Variants in ADGRL2 observed in about 807,000 individuals in gnomAD.
ADGRL2 encodes calcium-independent alpha-latrotoxin receptor 2.
In ADGRL2, 44 loss-of-function variants were observed where a neutral mutation model predicts 157.4. That is an observed-to-expected ratio of 0.28 (90% CI 0.22 to 0.36). The LOEUF (loss-of-function observed/expected upper bound fraction) is 0.36, where lower values mean the gene tolerates loss of function less well. ADGRL2 is among the 10% of genes least tolerant of loss of function. ADGRL2 has a pLI of 1.00. For synonymous variants in ADGRL2, 585 were observed against 624.7 expected, an observed-to-expected ratio of 0.94 and a Z score of 0.95; for missense variants, 1,510 against 1,768.9, an observed-to-expected ratio of 0.85 and a Z score of 2.63.
At chr1:81,563,298 G>C (rs934829975) in intron 2 of ADGRL2, among the ~76,000 whole-genome samples, 5 of 152,090 alleles carry the variant, frequency 3.3e-5, no homozygotes, top group African/African-American at 1.2e-4. Flanking sequence ...TTTTAGGGTG[G>C]TTTTTATTGC....
chr1:81,463,814 A>T lies in ADGRL2; in HGVS notation c.-248+18725A>T, dbSNP rs544937475. On this transcript the variant is annotated intron_variant, in intron 2 of 24. Coordinates refer to the ADGRL2 transcript ENST00000370721. ...TAAAGACAGTTTAAATTCTTTGCAG[A>T]AAAGTGTCCTTGGTGTCATTGTTTA... 3.9e-5 allele frequency among the ~76,000 whole-genome samples: 6 copies of T among 152,356 alleles called. No individual in the cohort carries two copies. In the South Asian group the frequency reaches 1.2e-3, roughly 32 times the overall value.
intron 3 of ADGRL2, among the ~76,000 whole-genome samples, chr1:81,917,587 G>T (rs915016215): frequency 6.6e-6 from 1 of 152,090 alleles, no homozygotes; most frequent in Non-Finnish European, 1.5e-5. Flanking sequence ...CAGATATATT[G>T]TGAAACTAAC....
At chr1:81,780,858 C>T (rs2086783349) in intron 2 of ADGRL2, among the ~76,000 whole-genome samples, 2 of 135,650 alleles carry the variant, frequency 1.5e-5, no homozygotes, top group Non-Finnish European at 1.6e-5. Flanking sequence ...CAGGCTATGT[C>T]CCCCCACAGA....
At chr1:81,425,700 G>T (rs1000281120) in intron 1 of ADGRL2, among the ~76,000 whole-genome samples, 1 of 151,930 alleles carries the variant, frequency 6.6e-6, no homozygotes, top group Non-Finnish European at 1.5e-5. Flanking sequence ...TTACTTTTTT[G>T]CCGGCTTTTG....
chr1:81,947,989 A>G (rs398254), intron 6 of ADGRL2, among the ~76,000 whole-genome samples: 1 of 151,876 alleles, frequency 6.6e-6, no homozygotes, highest in Non-Finnish European at 1.5e-5. Context: ...GATGTCAGGG[A>G]GGGCGGATCA....
intron 1 of ADGRL2, among the ~76,000 whole-genome samples, chr1:81,400,270 T>A (rs2076728753): frequency 6.6e-6 from 1 of 151,922 alleles, no homozygotes; most frequent in Non-Finnish European, 1.5e-5. Context: ...GTGCAGGCAC[T>A]AGGAACATCT....
At chr1:81,351,749 A>G (rs1662907147) in intron 1 of ADGRL2, among the ~76,000 whole-genome samples, 3 of 152,196 alleles carry the variant, frequency 2.0e-5, no homozygotes, top group Admixed American at 1.3e-4. Context: ...ATTTTCTGTC[A>G]AAAAAGCATT....
intron 3 of ADGRL2, among the ~76,000 whole-genome samples, chr1:81,622,308 C>T (rs899727705): frequency 1.2e-4 from 19 of 152,162 alleles, no homozygotes; most frequent in African/African-American, 3.6e-4. Flanking sequence ...TTTGGCCGGG[C>T]ACGGTAGCTC....
chr1:81,826,688 G>T (rs1231036629), intron 1 of ADGRL2, among the ~76,000 whole-genome samples: 1 of 152,106 alleles, frequency 6.6e-6, no homozygotes, highest in Non-Finnish European at 1.5e-5. Flanking sequence ...AAGGGTGAAG[G>T]CACCATTTAA....
At chr1:81,549,659 G>A (rs2080097257) in intron 2 of ADGRL2, among the ~76,000 whole-genome samples, 1 of 152,178 alleles carries the variant, frequency 6.6e-6, no homozygotes, top group South Asian at 2.1e-4. Flanking sequence ...GTGGTTTTAG[G>A]AGAGAGCTAA....
chr1:81,580,670 T>C (rs2080889559), intron 2 of ADGRL2, among the ~76,000 whole-genome samples: 1 of 152,180 alleles, frequency 6.6e-6, no homozygotes, highest in South Asian at 2.1e-4. Flanking sequence ...TCCAGCATTG[T>C]TGATTTCCTT....
intron 3 of ADGRL2, among the ~76,000 whole-genome samples, chr1:81,661,595 A>G (rs2082651301): frequency 6.6e-6 from 1 of 152,196 alleles, no homozygotes; most frequent in South Asian, 2.1e-4. Flanking sequence ...ATGACCTTAC[A>G]CAGTCTACAA....
chr1:81,923,799 A>T (rs1049866294), intron 3 of ADGRL2, among the ~76,000 whole-genome samples: 1 of 152,152 alleles, frequency 6.6e-6, no homozygotes, highest in African/African-American at 2.4e-5. Flanking sequence ...TACAACAGAA[A>T]GGTGAAACTA....
At chr1:81,369,245 A>T (rs1486050252) in intron 1 of ADGRL2, among the ~76,000 whole-genome samples, 2 of 152,110 alleles carry the variant, frequency 1.3e-5, no homozygotes, top group Non-Finnish European at 2.9e-5. Context: ...AGAAAGAGAA[A>T]ATGCACAAGC....
intron 2 of ADGRL2, among the ~76,000 whole-genome samples, chr1:81,447,353 G>T (rs2077617251): frequency 1.3e-5 from 2 of 152,032 alleles, no homozygotes; most frequent in African/African-American, 4.8e-5. Flanking sequence ...AGTGCTTTAG[G>T]GTAATACTTC....
intron 2 of ADGRL2, among the ~76,000 whole-genome samples, chr1:81,884,414 A>C (rs770834454): frequency 6.6e-5 from 10 of 152,164 alleles, no homozygotes; most frequent in Admixed American, 2.6e-4. Flanking sequence ...TGATTTTTTT[A>C]AACTAAACGT....
At chr1:81,939,736 T>G (rs552610964) in intron 4 of ADGRL2, among the ~76,000 whole-genome samples, 4 of 151,562 alleles carry the variant, frequency 2.6e-5, no homozygotes, top group African/African-American at 9.6e-5. Context: ...ATATTTGGCA[T>G]GTGATAGAGA....
chr1:81,743,136 A>G lies in ADGRL2; in HGVS notation c.-142-18675A>G, dbSNP rs557531010. ...AGCTAGCCTTTTACAGAGTAAAAGG[A>G]AACAGAAAGTTTGAAGTACTTTCCT... On this transcript the variant is annotated intron_variant, in intron 1 of 20. Transcript: ENST00000359929. 5.3e-5 allele frequency among the ~76,000 whole-genome samples: 8 copies of G among 152,182 alleles called. No homozygotes were observed. The South Asian group carries it at 1.4e-3, about 28-fold the overall frequency.
At chr1:81,375,361 T>A (rs568273973) in intron 1 of ADGRL2, among the ~76,000 whole-genome samples, 2 of 152,112 alleles carry the variant, frequency 1.3e-5, no homozygotes, top group South Asian at 4.1e-4. Context: ...GACCAAATTA[T>A]GAAGGGCCGT....
Sources: gnomAD v4.1 joint callset for allele counts (sites outside exome capture counted in the v4.1 genomes callset) on GRCh38, gnomAD v4.1.1 for gene constraint, MANE v1.5 for transcripts, NCBI Gene and HGNC (gene_info 2026-07-23, HGNC 2026-07-21) for gene names.